Variants in TSR3 observed in about 807,000 individuals in gnomAD.
TSR3 encodes TSR3 ribosome maturation factor.
TSR3 carries 31 observed loss-of-function variants against 28.1 expected under a neutral mutation model. That is an observed-to-expected ratio of 1.10 (90% confidence interval 0.83 to 1.49). TSR3 has a LOEUF of 1.49. TSR3 is among the 40% of genes most tolerant of loss of function. The pLI is 0.00. For missense variants in TSR3, 511 were observed against 444.0 expected, an observed-to-expected ratio of 1.15 and a Z score of -1.36; for synonymous variants, 219 against 197.2, an observed-to-expected ratio of 1.11 and a Z score of -0.93.
At chr16:1,350,297 A>T (rs1268621665) in intron 3 of TSR3, 63 bp from the exon 4 acceptor site, 8 of 1,504,376 alleles carry the variant, frequency 5.3e-6, no homozygotes, top group African/African-American at 1.4e-5. Flanking sequence ...CCTCCTGATC[A>T]CCCTGCTGCC....
Position 1,351,540 on chromosome 16 carries a change from G to C in TSR3, c.171C>G (p.Pro57=). Residue 57 remains proline, a synonymous_variant, in exon 2 of 6, where the codon CCC becomes CCG. Coordinates refer to ENST00000007390, the MANE Select transcript of TSR3 (RefSeq NM_001001410.3). ...CCAACTCCCACATGGCCAGCGTGCA[G>C]GGCAGCGCCGCCGGGCCCGGGCCGC... ...GEGGPGPAAL[P]CTLAMWELGH... The C allele has an allele frequency of 1.3e-6, 2 of 1,484,506 alleles. No homozygotes were observed. Among genetic ancestry groups the C allele is most frequent in the Non-Finnish European group, 1.8e-6 (2 of 1,126,652 alleles). The allele number at this position is 1,484,506 out of a possible 1,614,324, so 92.0% of individuals were successfully genotyped here.
chr16:1,349,652 G>C, intron 5 of TSR3, 44 bp from the exon 6 acceptor site: 1 of 1,550,372 alleles, frequency 6.5e-7, no homozygotes, highest in Non-Finnish European at 8.7e-7. Context: ...CGTCCTCCCT[G>C]GCTAGCTGGA....
At chr16:1,351,336 C>T (rs748745308) in intron 2 of TSR3, 43 bp downstream of exon 2, 2 of 1,541,798 alleles carry the variant, frequency 1.3e-6, no homozygotes, top group Non-Finnish European at 1.7e-6. Flanking sequence ...GGGAACCACG[C>T]GCTGGAAATG....
Position 1,351,003 on chromosome 16 carries a change from G to C in TSR3, c.333-3C>G. On this transcript the variant is annotated splice_polypyrimidine_tract_variant and splice_region_variant and intron_variant, in intron 2 of 5. Coordinates refer to ENST00000007390, the MANE Select transcript of TSR3 (RefSeq NM_001001410.3). ...CCCCAGACTGCGCCACCAGCTGTCT[G>C]CCAGGGACAGCATGGGATAAGTTCA... 6.2e-7 allele frequency: 1 copy of C among 1,611,018 alleles called. No individual in the cohort carries two copies. The highest frequency in any genetic ancestry group is 2.2e-5 in the East Asian group (1 of 44,884).
Position 1,351,012 on chromosome 16 carries a change from A to T in TSR3, c.333-12T>A, listed in dbSNP as rs1227234926. 1.2e-6 allele frequency: 2 copies of T among 1,610,508 alleles called. No homozygotes were observed. Among genetic ancestry groups the T allele is most frequent in the South Asian group, 1.1e-5 (1 of 90,966 alleles). On this transcript the variant is annotated splice_polypyrimidine_tract_variant and intron_variant, in intron 2 of 5. Coordinates refer to ENST00000007390, the MANE Select transcript of TSR3 (RefSeq NM_001001410.3). ...GCGCCACCAGCTGTCTGCCAGGGAC[A>T]GCATGGGATAAGTTCAGGAGCCAGC...
At chr16:1,349,826 C>T in intron 5 of TSR3, 63 bp downstream of exon 5, 2 of 1,594,406 alleles carry the variant, frequency 1.3e-6, no homozygotes, top group Non-Finnish European at 1.7e-6. Flanking sequence ...AGGAAGGGCT[C>T]AGGCCAGAGG....
At position 1,350,088 on chromosome 16, in the gene TSR3, C is replaced by T; in HGVS notation, c.673G>A (p.Ala225Thr). 3 of 1,608,996 alleles carry T rather than the reference C, an allele frequency of 1.9e-6. No homozygotes were observed. The highest frequency in any genetic ancestry group is 2.5e-6 in the Non-Finnish European group (3 of 1,177,046). Residue 225 changes from alanine to threonine, a missense_variant, in exon 4 of 6, where the codon GCC becomes ACC. By Grantham distance (58) the Ala-to-Thr change is moderately conservative (BLOSUM62 0). Transcript: ENST00000007390. ...LQAEQEFLAN[A>T]KESPQEEEID... ...TCCTCCTCCTGGGGGCTCTCCTTGG[C>T]ATTGGCCAAGAACTCCTGCTCCGCC...
At chr16:1,351,062 G>A (rs182194752) in intron 2 of TSR3, 62 bp from the exon 3 acceptor site, 12 of 1,529,740 alleles carry the variant, frequency 7.8e-6, no homozygotes, top group Non-Finnish European at 1.1e-5. Flanking sequence ...AGCATGCCCC[G>A]GAGAATGGCC....
At chr16:1,351,631 G>A in intron 1 of TSR3, 33 bp from the exon 2 acceptor site, 1 of 1,442,780 alleles carries the variant, frequency 6.9e-7, no homozygotes, top group Non-Finnish European at 9.0e-7. Flanking sequence ...CTCGGCCTCA[G>A]CGTGGGACCC....
chr16:1,350,097 A>T lies in TSR3; in HGVS notation c.664T>A (p.Leu222Met). 6.2e-7 allele frequency: 1 copy of T among 1,610,238 alleles called. No homozygotes were observed. Among genetic ancestry groups the T allele is most frequent in the Non-Finnish European group, 8.5e-7 (1 of 1,177,948 alleles). Residue 222 changes from leucine (L) to methionine (M), a missense_variant, in exon 4 of 6, where the codon TTG becomes ATG. Coordinates refer to ENST00000007390, the MANE Select transcript of TSR3 (RefSeq NM_001001410.3). The stretch of plus-strand genomic sequence containing the variant: ...TGGGGGCTCTCCTTGGCATTGGCCA[A>T]GAACTCCTGCTCCGCCTGCAGCACC... ...EEVLQAEQEF[L>M]ANAKESPQEE...
intron 2 of TSR3, among the ~76,000 whole-genome samples, 157 bp downstream of exon 2, chr16:1,351,222 C>G (rs1390251469): frequency 1.3e-5 from 2 of 152,228 alleles, no homozygotes; most frequent in Non-Finnish European, 2.9e-5. Context: ...CTCCTTTATC[C>G]CAGGCTCTGC....
intron 5 of TSR3, 59 bp downstream of exon 5, chr16:1,349,830 C>CCAGA: frequency 1.3e-6 from 2 of 1,598,014 alleles, no homozygotes; most frequent in Non-Finnish European, 1.7e-6. Context: ...AGGGCTCAGG[C>CCAGA]CAGAGGTAGA....
At chr16:1,350,301 T>G in intron 3 of TSR3, 67 bp from the exon 4 acceptor site, 1 of 1,491,806 alleles carries the variant, frequency 6.7e-7, no homozygotes, top group Non-Finnish European at 8.9e-7. Context: ...CTGATCACCC[T>G]GCTGCCGGAT....
intron 3 of TSR3, among the ~76,000 whole-genome samples, chr16:1,350,589 G>T (rs774308424): frequency 2.6e-5 from 4 of 152,122 alleles, no homozygotes; most frequent in Non-Finnish European, 5.9e-5. Context: ...CCCACACACC[G>T]GCCCTGATAG....
rs758695299 is a variant in TSR3 at position 1,349,440 on chromosome 16, GTC to G, written c.934_935del (p.Asp312LeufsTer13). The G allele has an allele frequency of 1.2e-6, 2 of 1,613,550 alleles. No homozygotes were observed. The highest frequency in any genetic ancestry group is 1.3e-5 in the African/African-American group (1 of 74,924). ...VWKGIKKRQRD is the reference protein window; with the variant it reads ...VWKGIKKRQRX ...AAAATATATGTGTCTGCAACCCTCA[GTC>G]TCTCTGCCGTTTCTTGATTCCTTTC... On this transcript the variant is annotated frameshift_variant, in exon 6 of 6. Transcript: ENST00000007390. LOFTEE classifies it high-confidence loss of function.
At chr16:1,350,661 G>T in intron 3 of TSR3, 146 bp downstream of exon 3, 1 of 933,912 alleles carries the variant, frequency 1.1e-6, no homozygotes, top group Non-Finnish European at 1.6e-6. Context: ...AGTGACAGTT[G>T]GGGCTGGAAC....
At chr16:1,350,605 C>A (rs1373857008) in intron 3 of TSR3, among the ~76,000 whole-genome samples, 3 of 152,214 alleles carry the variant, frequency 2.0e-5, no homozygotes, top group Non-Finnish European at 4.4e-5. Flanking sequence ...GATAGAACAG[C>A]GATCCCATTC....
chr16:1,349,510 G>T lies in TSR3; in HGVS notation c.866C>A (p.Thr289Lys). 1 of 1,613,548 alleles carries T rather than the reference G, an allele frequency of 6.2e-7. No homozygotes were observed. The highest frequency in any genetic ancestry group is 8.5e-7 in the Non-Finnish European group (1 of 1,179,998). Residue 289 changes from threonine to lysine, a missense_variant, in exon 6 of 6, where the codon ACG becomes AAG. Transcript: ENST00000007390. Reference protein sequence around the residue: ...ASSSCCEEEQTQGRGAEARAP... With the variant: ...ASSSCCEEEQKQGRGAEARAP... The stretch of plus-strand genomic sequence containing the variant: ...CCTGGCCTCAGCCCCCCGTCCCTGC[G>T]TCTGCTCCTCTTCACAGCAGCTGCT...
chr16:1,350,811 G>A lies in TSR3; in HGVS notation c.522C>T (p.Ile174=), dbSNP rs144521910. The A allele has an allele frequency of 1.9e-4, 308 of 1,612,182 alleles. No individual in the cohort carries two copies. The highest frequency in any genetic ancestry group is 2.5e-4 in the Non-Finnish European group (292 of 1,179,460). Reference sequence around the variant, plus strand: ...CTGTGGGGCCCCTGGACTCACCTACGATGCAGAAGGTGGCAGCAAACGCTT... The same window carrying A: ...CTGTGGGGCCCCTGGACTCACCTACAATGCAGAAGGTGGCAGCAAACGCTT... ...CVEAFAATFC[I]VGFPDLAVIL... Residue 174 remains isoleucine (I), a synonymous_variant, in exon 3 of 6, where the codon ATC becomes ATT. Coordinates refer to ENST00000007390, the MANE Select transcript of TSR3 (RefSeq NM_001001410.3).
Sources: gnomAD v4.1 joint callset for allele counts (sites outside exome capture counted in the v4.1 genomes callset) on GRCh38, gnomAD v4.1.1 for gene constraint, MANE v1.5 for transcripts, NCBI Gene and HGNC (gene_info 2026-07-23, HGNC 2026-07-21) for gene names.